Variants in TPRG1 observed in about 807,000 individuals in gnomAD.
The protein encoded by TPRG1 is tumor protein p63 regulated 1, also known as tumor protein p63-regulated gene 1 protein.
TPRG1 carries 29 observed loss-of-function variants against 29.3 expected under a neutral mutation model. The ratio of observed to expected loss-of-function variants is 0.99; its 90% confidence interval spans 0.74 to 1.35. The LOEUF (loss-of-function observed/expected upper bound fraction) is 1.35. Among genes scored for constraint, TPRG1 ranks in the 40% most tolerant of loss-of-function variants. TPRG1 has a pLI of 0.00. For synonymous variants in TPRG1, 130 were observed against 116.8 expected (o/e 1.11, Z -0.73); for missense variants, 327 against 335.0 (o/e 0.98, Z 0.19).
chr3:189,108,529 C>T (rs906427802), intron 1 of TPRG1, among the ~76,000 whole-genome samples: 2 of 148,082 alleles, frequency 1.4e-5, no homozygotes, highest in African/African-American at 2.6e-5. Context: ...TTTTTTAGAA[C>T]GTGTTTTTTT....
At chr3:189,043,568 C>G (rs1714768831) in intron 4 of TPRG1, among the ~76,000 whole-genome samples, 1 of 152,158 alleles carries the variant, frequency 6.6e-6, no homozygotes, top group African/African-American at 2.4e-5. Context: ...TACTAAGAAG[C>G]AGACTGTCAT....
intron 4 of TPRG1, among the ~76,000 whole-genome samples, chr3:189,250,597 T>G (rs1286417539): frequency 1.4e-5 from 2 of 147,938 alleles, no homozygotes; most frequent in Non-Finnish European, 3.0e-5. Flanking sequence ...TATTTGGCCC[T>G]TCTCAGGCAT....
At chr3:189,198,429 T>TAA (rs1312933988) in intron 1 of TPRG1, among the ~76,000 whole-genome samples, 2 of 152,222 alleles carry the variant, frequency 1.3e-5, no homozygotes, top group African/African-American at 4.8e-5. Context: ...TTCTATAGAT[T>TAA]AAAGACTGTG....
intron 1 of TPRG1, among the ~76,000 whole-genome samples, chr3:189,192,835 G>A (rs2108747333): frequency 6.6e-6 from 1 of 152,188 alleles, no homozygotes; most frequent in Non-Finnish European, 1.5e-5. Context: ...CCAGTTGCAG[G>A]ATTTCCTTGA....
intron 4 of TPRG1, among the ~76,000 whole-genome samples, chr3:189,274,108 G>C (rs1158083418): frequency 7.2e-6 from 1 of 138,008 alleles, no homozygotes; most frequent in Non-Finnish European, 1.5e-5. Flanking sequence ...TCGGAACCCA[G>C]ATTTTTTTTT....
At chr3:189,124,029 C>T (rs756403413) in intron 1 of TPRG1, among the ~76,000 whole-genome samples, 12 of 152,136 alleles carry the variant, frequency 7.9e-5, no homozygotes, top group Admixed American at 2.0e-4. Flanking sequence ...GTCTTTACTT[C>T]GTTGTACGTG....
rs970006564 is a variant in TPRG1, at chr3:189,278,770, T to C, written c.480-31616T>C. Among the ~76,000 whole-genome samples, 13 of 152,308 alleles carry C rather than the reference T, an allele frequency of 8.5e-5. No homozygotes were observed. The East Asian group carries it at 1.4e-3, about 16-fold the overall frequency. On this transcript the variant is annotated intron_variant, in intron 4 of 5. Coordinates refer to ENST00000345063, the MANE Select transcript of TPRG1 (RefSeq NM_198485.4). ...TAATCCAGGTGTCATCACCACCACT[T>C]GACAGCCATGTCCTGGAATTTGAAA...
chr3:189,162,691 CAG>C (rs1727643333), intron 5 of TPRG1, among the ~76,000 whole-genome samples: 1 of 152,094 alleles, frequency 6.6e-6, no homozygotes. Context: ...AAGCTAAAGA[CAG>C]AGGTAGAAAA....
At chr3:189,282,683 C>T (rs1199353125) in intron 4 of TPRG1, among the ~76,000 whole-genome samples, 2 of 152,132 alleles carry the variant, frequency 1.3e-5, no homozygotes, top group Non-Finnish European at 2.9e-5. Context: ...ATACCTTTCC[C>T]ATCTCTCTGT....
chr3:189,236,739 C>A (rs771741343), intron 3 of TPRG1, among the ~76,000 whole-genome samples: 2 of 151,946 alleles, frequency 1.3e-5, no homozygotes, highest in Non-Finnish European at 2.9e-5. Flanking sequence ...CAATTAATGA[C>A]CTCATTCTTC....
intron 4 of TPRG1, among the ~76,000 whole-genome samples, chr3:189,073,171 C>T (rs572604344): frequency 6.6e-6 from 1 of 152,262 alleles, no homozygotes; most frequent in East Asian, 1.9e-4. Flanking sequence ...CATAGACAGA[C>T]CTAGGAAATA....
chr3:189,152,466 A>G (rs1025336448), intron 5 of TPRG1, among the ~76,000 whole-genome samples: 27 of 152,212 alleles, frequency 1.8e-4, no homozygotes, highest in African/African-American at 6.5e-4. Flanking sequence ...GGGATGTGTG[A>G]TGGTGGGACA....
chr3:189,223,295 T>C (rs1440789612), intron 3 of TPRG1, among the ~76,000 whole-genome samples: 3 of 152,222 alleles, frequency 2.0e-5, no homozygotes, highest in Non-Finnish European at 4.4e-5. Flanking sequence ...CAAAGCCCAG[T>C]AAGACTTGCC....
At chr3:189,163,252 G>A (rs779114816) in intron 5 of TPRG1, among the ~76,000 whole-genome samples, 3 of 152,200 alleles carry the variant, frequency 2.0e-5, no homozygotes, top group Non-Finnish European at 4.4e-5. Flanking sequence ...CAGCCTGGGC[G>A]ACAAGAGAGA....
chr3:189,166,473 A>G (rs1728179504), intron 5 of TPRG1, among the ~76,000 whole-genome samples: 1 of 152,194 alleles, frequency 6.6e-6, no homozygotes. Context: ...ATTTGCTGAC[A>G]AGGAAGCCAA....
chr3:189,234,327 G>A (rs768780339), intron 3 of TPRG1, among the ~76,000 whole-genome samples: 2 of 152,186 alleles, frequency 1.3e-5, no homozygotes, highest in Non-Finnish European at 2.9e-5. Flanking sequence ...AAAGTTTAAT[G>A]TGTTTATGGT....
intron 3 of TPRG1, among the ~76,000 whole-genome samples, chr3:189,016,619 T>C (rs551402757): frequency 6.6e-6 from 1 of 152,216 alleles, no homozygotes; most frequent in East Asian, 1.9e-4. Flanking sequence ...CTCATGTGTT[T>C]GGTGAGGGAC....
chr3:189,119,659 G>T (rs1026081606), intron 1 of TPRG1, among the ~76,000 whole-genome samples: 2 of 152,100 alleles, frequency 1.3e-5, no homozygotes, highest in Admixed American at 6.5e-5. Context: ...GAGATCTGAT[G>T]GTTTATAAGG....
At chr3:189,230,159 T>C (rs1010033711) in intron 3 of TPRG1, among the ~76,000 whole-genome samples, 1 of 152,168 alleles carries the variant, frequency 6.6e-6, no homozygotes, top group Non-Finnish European at 1.5e-5. Flanking sequence ...GAGAGAAGGA[T>C]GGGGGCGTGC....
Sources: allele counts gnomAD v4.1 joint callset (sites outside exome capture counted in the v4.1 genomes callset), GRCh38; gene constraint gnomAD v4.1.1; transcripts MANE v1.5; gene names NCBI Gene and HGNC (gene_info 2026-07-23, HGNC 2026-07-21).